The following TNS1 variants were observed in gnomAD, a reference collection of about 807,000 sequenced individuals.
TNS1 encodes the protein tensin 1, also known as tensin-1.
In TNS1, 62 loss-of-function variants were observed where a neutral mutation model predicts 168.6. The ratio of observed to expected loss-of-function variants is 0.37; its 90% confidence interval spans 0.30 to 0.45. The LOEUF is 0.45. Among genes scored for constraint, TNS1 ranks in the 20% least tolerant of loss-of-function variants. The probability of loss-of-function intolerance (pLI) is 1.00; values close to 1 mark genes in which losing one functional copy is unlikely to be tolerated. For missense variants in TNS1, 2,240 were observed against 2,339.4 expected, an observed-to-expected ratio of 0.96 and a Z score of 0.88; for synonymous variants, 934 against 933.2, an observed-to-expected ratio of 1.00 and a Z score of -0.02.
chr2:217,866,840 A>G (rs937207722), intron 18 of TNS1, among the ~76,000 whole-genome samples: 6 of 152,164 alleles, frequency 3.9e-5, no homozygotes, highest in Non-Finnish European at 7.3e-5. Flanking sequence ...CAGGCACAGC[A>G]TTGGGCAGAG....
At chr2:217,884,073 T>TATC (rs142374534) in intron 16 of TNS1, among the ~76,000 whole-genome samples, 6,602 of 146,160 alleles carry the variant, frequency 0.045, 494 homozygotes, top group African/African-American at 0.15. Context: ...TTTCTGTTCA[T>TATC]ATCTATAGGG....
At chr2:217,861,817 T>C (rs995953774) in intron 18 of TNS1, among the ~76,000 whole-genome samples, 12 of 152,208 alleles carry the variant, frequency 7.9e-5, no homozygotes, top group African/African-American at 2.9e-4. Flanking sequence ...TAGTGCAGCG[T>C]GGGCTTCCCC....
intron 18 of TNS1, among the ~76,000 whole-genome samples, chr2:217,869,384 G>A (rs1949568669): frequency 6.6e-6 from 1 of 152,240 alleles, no homozygotes; most frequent in South Asian, 2.1e-4. Context: ...AATAGATCCA[G>A]CAAGGAATCA....
intron 3 of TNS1, among the ~76,000 whole-genome samples, chr2:217,940,045 G>A (rs944035623): frequency 1.3e-5 from 2 of 152,266 alleles, no homozygotes; most frequent in African/African-American, 4.8e-5. Context: ...GGGGATGTGG[G>A]CAAAGCCTGC....
At chr2:217,817,505 G>A (rs1194059474) in intron 24 of TNS1, among the ~76,000 whole-genome samples, 185 bp downstream of exon 24, 1 of 152,136 alleles carries the variant, frequency 6.6e-6, no homozygotes, top group African/African-American at 2.4e-5. Context: ...CACAACCACA[G>A]CACACGTATC....
chr2:217,951,332 C>T (rs1172716052), intron 3 of TNS1, among the ~76,000 whole-genome samples: 8 of 152,226 alleles, frequency 5.3e-5, no homozygotes, highest in Non-Finnish European at 8.8e-5. Flanking sequence ...TACGATTCAT[C>T]TCTCTGTCAT....
chr2:217,804,426 C>A lies in TNS1; in HGVS notation c.*33G>T. On this transcript the variant is annotated 3_prime_UTR_variant, in exon 33 of 33. Coordinates refer to ENST00000682258, the MANE Select transcript of TNS1 (RefSeq NM_001387777.1). The stretch of plus-strand genomic sequence containing the variant: ...GGGTCCCCTCCCCACAAGCCCCTTC[C>A]CCATGGCACTGGCCCTGGGCAAGGG... The A allele has an allele frequency of 6.2e-7, 1 of 1,613,102 alleles. No homozygotes were observed. The highest frequency in any genetic ancestry group is 8.5e-7 in the Non-Finnish European group (1 of 1,179,370).
intron 3 of TNS1, among the ~76,000 whole-genome samples, chr2:217,952,717 T>A (rs921619022): frequency 6.6e-6 from 1 of 152,134 alleles, no homozygotes; most frequent in Non-Finnish European, 1.5e-5. Flanking sequence ...TAAAACAACA[T>A]GAATGGGGCT....
intron 16 of TNS1, among the ~76,000 whole-genome samples, chr2:217,882,660 C>T (rs923490931): frequency 2.0e-4 from 30 of 152,122 alleles, no homozygotes; most frequent in African/African-American, 6.8e-4. Flanking sequence ...ATTTCTATTG[C>T]TTTTCTACTA....
chr2:218,006,514 C>T (rs1360452043), upstream of TNS1, among the ~76,000 whole-genome samples: 1 of 152,248 alleles, frequency 6.6e-6, no homozygotes, highest in Non-Finnish European at 1.5e-5. Context: ...CCACTGGTCA[C>T]AGCATCTGAA....
intron 2 of TNS1, 152 bp from the exon 3 acceptor site, chr2:217,978,954 G>A: frequency 1.6e-6 from 1 of 633,294 alleles, no homozygotes; most frequent in Non-Finnish European, 2.9e-6. Context: ...AGAGAGGGAG[G>A]GGACGGAGGG....
At chr2:217,949,851 T>G (rs1957199443) in intron 3 of TNS1, among the ~76,000 whole-genome samples, 1 of 152,248 alleles carries the variant, frequency 6.6e-6, no homozygotes, top group South Asian at 2.1e-4. Context: ...GGAACATTTT[T>G]CTTGGGGTAA....
chr2:217,888,337 A>T (rs1366391923), intron 12 of TNS1, among the ~76,000 whole-genome samples: 1 of 152,142 alleles, frequency 6.6e-6, no homozygotes, highest in Non-Finnish European at 1.5e-5. Context: ...TGACACTGAC[A>T]AGAAGGCAGG....
chr2:217,894,380 G>A (rs1439769871), intron 9 of TNS1, among the ~76,000 whole-genome samples: 1 of 152,220 alleles, frequency 6.6e-6, no homozygotes, highest in Non-Finnish European at 1.5e-5. Context: ...AACAGGTCCA[G>A]ACGCGCTGGC....
At chr2:217,978,949 G>GGGAGGGGAC in intron 2 of TNS1, 147 bp from the exon 3 acceptor site, 2 of 650,906 alleles carry the variant, frequency 3.1e-6, no homozygotes, top group Non-Finnish European at 5.6e-6. Flanking sequence ...GAGGGAGAGA[G>GGGAGGGGAC]GGAGGGGACG....
chr2:217,931,806 G>A (rs916443393), intron 3 of TNS1, among the ~76,000 whole-genome samples: 15 of 152,148 alleles, frequency 9.9e-5, no homozygotes, highest in South Asian at 2.1e-4. Context: ...TTTCGGAAAC[G>A]TTAAAATGTT....
At chr2:217,922,480 C>T (rs141712491) in intron 3 of TNS1, among the ~76,000 whole-genome samples, 1 of 152,160 alleles carries the variant, frequency 6.6e-6, no homozygotes, top group African/African-American at 2.4e-5. Context: ...TGCCAGAGGA[C>T]GGGCTGATGC....
chr2:217,888,861 C>A (rs1330038172), intron 12 of TNS1, among the ~76,000 whole-genome samples: 2 of 152,188 alleles, frequency 1.3e-5, no homozygotes, highest in Non-Finnish European at 2.9e-5. Context: ...GACTAATACA[C>A]CAGGGAATCC....
At position 217,996,424 on chromosome 2, in the gene TNS1, G is replaced by A. The variant is rs549386744; in HGVS notation, c.34-5368C>T. Among the ~76,000 whole-genome samples, 145 of 152,182 alleles carry A rather than the reference G, an allele frequency of 9.5e-4. 2 individuals are homozygous for A. The highest frequency in any genetic ancestry group is 3.6e-3 in the Admixed American group (55 of 15,296). Reference sequence around the variant, plus strand: ...GGCTCAGATCCCCAGTGGGGCTGCCGGCTGGCTTCTGGGAGTCCCATGGGC... The same window carrying A: ...GGCTCAGATCCCCAGTGGGGCTGCCAGCTGGCTTCTGGGAGTCCCATGGGC... On this transcript the variant is annotated intron_variant, in intron 1 of 32. Transcript: ENST00000682258.
Sources: allele counts gnomAD v4.1 joint callset (sites outside exome capture counted in the v4.1 genomes callset), GRCh38; gene constraint gnomAD v4.1.1; transcripts MANE v1.5; gene names NCBI Gene and HGNC (gene_info 2026-07-23, HGNC 2026-07-21).